Variants in SLC4A8 observed in about 807,000 individuals in gnomAD.
SLC4A8 encodes electroneutral sodium bicarbonate exchanger 1.
A neutral mutation model predicts 125.0 loss-of-function variants in SLC4A8; 40 were observed. The observed-to-expected ratio is 0.32, with a 90% confidence interval of 0.25 to 0.42. The LOEUF is 0.42. Ranked by LOEUF, SLC4A8 falls within the 10% of genes least tolerant of loss-of-function variation. The pLI is 1.00. For synonymous variants in SLC4A8, 456 were observed against 476.0 expected, an observed-to-expected ratio of 0.96 and a Z score of 0.55; for missense variants, 863 against 1,355.1, an observed-to-expected ratio of 0.64 and a Z score of 5.70.
At chr12:51,503,554 G>T (rs1938030398) in intron 22 of SLC4A8, among the ~76,000 whole-genome samples, 1 of 152,102 alleles carries the variant, frequency 6.6e-6, no homozygotes, top group Non-Finnish European at 1.5e-5. Context: ...GAAAGAAAAG[G>T]CTTCTTATTG....
intron 22 of SLC4A8, among the ~76,000 whole-genome samples, chr12:51,500,850 C>CTTTTT (rs71092703): frequency 7.0e-6 from 1 of 142,646 alleles, no homozygotes; most frequent in Non-Finnish European, 1.5e-5. Flanking sequence ...CTGCGCCTGG[C>CTTTTT]TTTTTTTTTT....
chr12:51,441,344 C>G (rs1445785617), intron 2 of SLC4A8, among the ~76,000 whole-genome samples: 8 of 152,134 alleles, frequency 5.3e-5, no homozygotes, highest in Admixed American at 5.2e-4. Context: ...AAAAGCCCAG[C>G]TGAAGGGGAA....
chr12:51,431,824 C>T (rs892714537), intron 1 of SLC4A8, among the ~76,000 whole-genome samples: 1 of 152,044 alleles, frequency 6.6e-6, no homozygotes, highest in East Asian at 1.9e-4. Context: ...GGTTCTGGAG[C>T]GCCAAGGATT....
intron 24 of SLC4A8, 99 bp from the exon 25 acceptor site, chr12:51,507,327 A>G: frequency 1.3e-6 from 1 of 740,804 alleles, no homozygotes; most frequent in Non-Finnish European, 2.0e-6. Flanking sequence ...CTTAAAATAT[A>G]GCCAGATCCA....
chr12:51,507,829 C>T lies in SLC4A8; in HGVS notation c.*391C>T, dbSNP rs904910870. ...CACTGAGGAGTCCTTCAGTGAGGTC[C>T]CTCTTCCTAAAGGACAGAGTGGGGA... On this transcript the variant is annotated 3_prime_UTR_variant, in exon 25 of 25. Coordinates refer to ENST00000453097, the MANE Select transcript of SLC4A8 (RefSeq NM_001039960.3). The T allele has an allele frequency of 3.1e-5, 5 of 161,322 alleles. No homozygotes were observed. Among genetic ancestry groups the T allele is most frequent in the Non-Finnish European group, 6.7e-5 (5 of 74,142 alleles). The allele number at this position is 161,322 out of a possible 1,614,324, so 10.0% of individuals were successfully genotyped here.
chr12:51,503,059 G>A (rs1937989106), intron 22 of SLC4A8, among the ~76,000 whole-genome samples: 1 of 150,894 alleles, frequency 6.6e-6, no homozygotes, highest in Non-Finnish European at 1.5e-5. Context: ...AGCCAGGGTG[G>A]TCTCGATCTC....
At chr12:51,474,614 C>A in intron 15 of SLC4A8, 167 bp downstream of exon 15, 8 of 1,286,656 alleles carry the variant, frequency 6.2e-6, no homozygotes, top group Non-Finnish European at 8.3e-6. Context: ...CAGAATTTTT[C>A]TTGTATGTTA....
At position 51,417,477 on chromosome 12, in the gene SLC4A8, G is replaced by A. The variant is rs199999709; in HGVS notation, c.-111-23231G>A. Among the ~76,000 whole-genome samples, 4 of 152,164 alleles carry A rather than the reference G, an allele frequency of 2.6e-5. No homozygotes were observed. The East Asian group carries it at 7.8e-4, about 29-fold the overall frequency. On this transcript the variant is annotated intron_variant, in intron 1 of 24. Transcript: ENST00000358657. ...TTCTCCCACGTCAGCCTCCCGAGTA[G>A]CTGGGATTACAGGCATGCGCCACCA...
At chr12:51,496,965 T>A (rs1165539533) in intron 21 of SLC4A8, 22 bp from the exon 22 acceptor site, 1 of 1,608,164 alleles carries the variant, frequency 6.2e-7, no homozygotes, top group East Asian at 2.2e-5. Context: ...TTAATTCACT[T>A]TTTTTTTTAA....
chr12:51,453,478 TTC>T (rs1950031401), intron 4 of SLC4A8, 59 bp from the exon 5 acceptor site: 1 of 1,547,974 alleles, frequency 6.5e-7, no homozygotes, highest in Non-Finnish European at 8.9e-7. Context: ...ACATCGAAGA[TTC>T]TCTCTTAAAA....
rs1456380160 is a variant in SLC4A8 at position 51,515,464 on chromosome 12, C to T, written c.*8026C>T. On this transcript the variant is annotated 3_prime_UTR_variant, in exon 25 of 25. Transcript: ENST00000453097. ...CTATGTTCTTCTTTCTAGTGGGTCT[C>T]ATGTAGAGATAGAGATATTTTTTTG... 1 of 152,122 alleles carries T rather than the reference C, an allele frequency of 6.6e-6. No homozygotes were observed. The highest frequency in any genetic ancestry group is 2.4e-5 in the African/African-American group (1 of 41,404). 9.4% of individuals were successfully genotyped at this position (152,122 alleles called of 1,614,324 possible). A position where few individuals can be genotyped will look rare whatever the true frequency, so the allele number is the denominator to read the frequency against.
chr12:51,474,483 G>A, intron 15 of SLC4A8, 36 bp downstream of exon 15: 1 of 1,601,450 alleles, frequency 6.2e-7, no homozygotes, highest in Non-Finnish European at 8.5e-7. Flanking sequence ...CTAGCATTGT[G>A]ACCACAGGTT....
intron 22 of SLC4A8, among the ~76,000 whole-genome samples, chr12:51,503,335 CG>C (rs1263781235): frequency 6.6e-6 from 1 of 151,574 alleles, no homozygotes; most frequent in African/African-American, 2.4e-5. Context: ...CGCCATTCTC[CG>C]TCTCAGCTGG....
intron 21 of SLC4A8, 139 bp downstream of exon 21, chr12:51,495,257 C>A: frequency 1.4e-6 from 1 of 689,930 alleles, no homozygotes; most frequent in Non-Finnish European, 2.3e-6. Flanking sequence ...GGAGCTATTA[C>A]CACCCTCCAG....
At chr12:51,496,886 G>A (rs1951474149) in intron 21 of SLC4A8, 101 bp from the exon 22 acceptor site, 13 of 1,150,134 alleles carry the variant, frequency 1.1e-5, no homozygotes, top group Non-Finnish European at 1.6e-5. Flanking sequence ...GTTTGATTTT[G>A]CTTGAAATGT....
rs2138490047 is a variant in SLC4A8 at position 51,515,607 on chromosome 12, G to A, written c.*8169G>A. On this transcript the variant is annotated 3_prime_UTR_variant, in exon 25 of 25. Transcript: ENST00000453097. ...TGTGATAATCCCATAGCAATTTATG[G>A]TAAGAACAAGACCCCTTTCCCTCAC... 6.6e-6 allele frequency: 1 copy of A among 152,234 alleles called. No homozygotes were observed. The highest frequency in any genetic ancestry group is 2.1e-4 in the South Asian group (1 of 4,818). 9.4% of individuals were successfully genotyped at this position (152,234 alleles called of 1,614,324 possible).
At chr12:51,494,358 C>T (rs1951403864) in intron 20 of SLC4A8, 1 of 151,792 alleles carries the variant, frequency 6.6e-6, no homozygotes, top group Non-Finnish European at 1.5e-5. Flanking sequence ...AATATAATAA[C>T]TTAGGCTGAT....
At chr12:51,500,847 T>C (rs1937840087) in intron 22 of SLC4A8, among the ~76,000 whole-genome samples, 1 of 121,464 alleles carries the variant, frequency 8.2e-6, no homozygotes, top group Admixed American at 8.2e-5. Flanking sequence ...CCCCTGCGCC[T>C]GGCTTTTTTT....
At chr12:51,469,864 G>GCAGACCA in intron 12 of SLC4A8, 76 bp downstream of exon 12, 1 of 1,353,682 alleles carries the variant, frequency 7.4e-7, no homozygotes, top group South Asian at 1.2e-5. Context: ...TCCACTGTGG[G>GCAGACCA]GGAAATTACT....
Sources: gnomAD v4.1 joint callset for allele counts (sites outside exome capture counted in the v4.1 genomes callset) on GRCh38, gnomAD v4.1.1 for gene constraint, MANE v1.5 for transcripts, NCBI Gene and HGNC (gene_info 2026-07-23, HGNC 2026-07-21) for gene names.